Variants in CREB5 observed in about 807,000 individuals in gnomAD.
The protein encoded by CREB5 is cAMP responsive element binding protein 5, also known as cyclic AMP-responsive element-binding protein 5.
In CREB5, 19 loss-of-function variants were observed where a neutral mutation model predicts 57.1. That is an observed-to-expected ratio of 0.33 (90% CI 0.23 to 0.49). CREB5 has a LOEUF of 0.49. Ranked by LOEUF, CREB5 falls within the 20% of genes least tolerant of loss-of-function variation. The pLI is 0.99. For synonymous variants in CREB5, 238 were observed against 238.3 expected (o/e 1.00, Z 0.01); for missense variants, 579 against 671.6 (o/e 0.86, Z 1.52).
intron 5 of CREB5, among the ~76,000 whole-genome samples, chr7:28,708,834 GCT>G (rs1304029709): frequency 1.3e-5 from 2 of 152,196 alleles, no homozygotes; most frequent in African/African-American, 2.4e-5. Flanking sequence ...AGCTCAGGGA[GCT>G]CTCTGCCTCT....
At chr7:28,459,744 C>A (rs62449864) in intron 1 of CREB5, among the ~76,000 whole-genome samples, 1 of 152,162 alleles carries the variant, frequency 6.6e-6, no homozygotes. Context: ...ATGCTGGCCT[C>A]GTCTTTGACT....
chr7:28,624,745 G>T (rs932480034), intron 5 of CREB5, among the ~76,000 whole-genome samples: 1 of 149,752 alleles, frequency 6.7e-6, no homozygotes, highest in Non-Finnish European at 1.5e-5. Flanking sequence ...GAGTTTACTC[G>T]CTGAACTTCT....
chr7:28,489,544 G>T (rs906470533), intron 2 of CREB5, among the ~76,000 whole-genome samples: 3 of 151,780 alleles, frequency 2.0e-5, no homozygotes, highest in Non-Finnish European at 4.4e-5. Context: ...CTCATGATCC[G>T]CCTGCCTCGG....
intron 5 of CREB5, among the ~76,000 whole-genome samples, chr7:28,608,716 C>T (rs1444965392): frequency 6.6e-6 from 1 of 152,184 alleles, no homozygotes; most frequent in African/African-American, 2.4e-5. Context: ...CCATACAAAA[C>T]CAGGACACTG....
At chr7:28,619,367 T>C (rs1370012955) in intron 5 of CREB5, among the ~76,000 whole-genome samples, 1 of 152,226 alleles carries the variant, frequency 6.6e-6, no homozygotes. Context: ...ACAGGGAATG[T>C]TCCTCACTGG....
intron 4 of CREB5, among the ~76,000 whole-genome samples, chr7:28,555,189 G>T (rs12111982): frequency 0.032 from 4,906 of 151,758 alleles, 306 homozygotes; most frequent in African/African-American, 0.11. Flanking sequence ...GGTGTGCAAG[G>T]ATGTTAGAAT....
intron 1 of CREB5, among the ~76,000 whole-genome samples, chr7:28,385,555 A>AG (rs1038311832): frequency 1.1e-3 from 165 of 152,090 alleles, no homozygotes; most frequent in African/African-American, 3.9e-3. Context: ...GCGTGCCTGT[A>AG]GTCCCAGCTA....
At chr7:28,647,433 A>T (rs1350093202) in intron 5 of CREB5, among the ~76,000 whole-genome samples, 3 of 152,058 alleles carry the variant, frequency 2.0e-5, no homozygotes, top group Non-Finnish European at 4.4e-5. Flanking sequence ...GCATGTGTTT[A>T]ATATGGGTGG....
At chr7:28,580,423 C>T (rs1038892908) in intron 5 of CREB5, among the ~76,000 whole-genome samples, 1 of 87,200 alleles carries the variant, frequency 1.1e-5, no homozygotes, top group African/African-American at 4.2e-5. Context: ...TCCCAATCCC[C>T]CCCCACCACA....
rs150968235 is a variant in CREB5, at chr7:28,604,996, G to A, written c.464+34459G>A. Reference sequence around the variant, plus strand: ...TGGAAACTAGAACCCAGAACTTGATGGTTTATATAAGGGCGTAGGATACAG... The same window carrying A: ...TGGAAACTAGAACCCAGAACTTGATAGTTTATATAAGGGCGTAGGATACAG... On this transcript the variant is annotated intron_variant, in intron 5 of 10. Transcript: ENST00000357727. Among the ~76,000 whole-genome samples the A allele has an allele frequency of 2.9e-3, 442 of 152,022 alleles. 3 individuals are homozygous for A. The highest frequency in any genetic ancestry group is 6.8e-3 in the Middle Eastern group (2 of 294).
intron 1 of CREB5, among the ~76,000 whole-genome samples, chr7:28,440,622 C>T (rs1789147374): frequency 1.3e-5 from 2 of 152,108 alleles, no homozygotes; most frequent in African/African-American, 4.8e-5. Context: ...ATTTAATAGC[C>T]ACTTATAAAA....
chr7:28,517,419 T>C (rs1295980176), intron 4 of CREB5, among the ~76,000 whole-genome samples: 1 of 152,186 alleles, frequency 6.6e-6, no homozygotes, highest in East Asian at 1.9e-4. Flanking sequence ...CCCATCTGCA[T>C]TTCCAGCACG....
At chr7:28,318,165 A>G (rs1318777425) in intron 1 of CREB5, among the ~76,000 whole-genome samples, 6 of 152,220 alleles carry the variant, frequency 3.9e-5, no homozygotes, top group African/African-American at 1.2e-4. Flanking sequence ...TGATTCTGAC[A>G]TTCCAATCTA....
chr7:28,605,442 A>G (rs907211761), intron 5 of CREB5, among the ~76,000 whole-genome samples: 1 of 152,198 alleles, frequency 6.6e-6, no homozygotes, highest in African/African-American at 2.4e-5. Flanking sequence ...ATGACACTTC[A>G]GGACTGTGTG....
chr7:28,740,279 T>C (rs745546890), intron 7 of CREB5, among the ~76,000 whole-genome samples: 3 of 152,214 alleles, frequency 2.0e-5, no homozygotes, highest in African/African-American at 7.2e-5. Context: ...AATTGTATAA[T>C]TCAGGTCTTA....
chr7:28,491,201 T>TA, intron 2 of CREB5: 3 of 985,402 alleles, frequency 3.0e-6, no homozygotes, highest in Non-Finnish European at 3.6e-6. Context: ...ACAGTTTTTT[T>TA]AAAAATTAAA....
At chr7:28,549,821 A>G (rs1456992994) in intron 4 of CREB5, among the ~76,000 whole-genome samples, 1 of 152,236 alleles carries the variant, frequency 6.6e-6, no homozygotes, top group Non-Finnish European at 1.5e-5. Flanking sequence ...CTTAGAGGTT[A>G]CATGCTGCAA....
chr7:28,681,726 G>A (rs1800604355), intron 5 of CREB5, among the ~76,000 whole-genome samples: 1 of 152,186 alleles, frequency 6.6e-6, no homozygotes, highest in Non-Finnish European at 1.5e-5. Flanking sequence ...CAGAGTAATG[G>A]CCACCCTTAT....
At chr7:28,626,351 T>A (rs1342452568) in intron 5 of CREB5, among the ~76,000 whole-genome samples, 2 of 152,204 alleles carry the variant, frequency 1.3e-5, no homozygotes, top group Non-Finnish European at 2.9e-5. Flanking sequence ...GCACTAATAC[T>A]CATTGACTGC....
Sources: allele counts gnomAD v4.1 joint callset (sites outside exome capture counted in the v4.1 genomes callset), GRCh38; gene constraint gnomAD v4.1.1; transcripts MANE v1.5; gene names NCBI Gene and HGNC (gene_info 2026-07-23, HGNC 2026-07-21).